NCOA3: variants seen among roughly 807,000 people sequenced by gnomAD.
NCOA3 encodes the protein CBP-interacting protein.
In NCOA3, 51 loss-of-function variants were observed where a neutral mutation model predicts 158.8. That is an observed-to-expected ratio of 0.32 (90% CI 0.26 to 0.41). The LOEUF is 0.41. Among genes scored for constraint, NCOA3 ranks in the 10% least tolerant of loss-of-function variants. The pLI is 1.00. For synonymous variants in NCOA3, 537 were observed against 592.4 expected (o/e 0.91, Z 1.36); for missense variants, 1,510 against 1,746.6 (o/e 0.86, Z 2.41).
chr20:47,588,140 T>TCTGTATAAACTAGTTAGGGTATTCA (rs2085566529), intron 2 of NCOA3, among the ~76,000 whole-genome samples: 1 of 133,260 alleles, frequency 7.5e-6, no homozygotes, highest in African/African-American at 2.9e-5. Context: ...ACTTTTTTTT[T>TCTGTATAAACTAGTTAGGGTATTCA]TTTTTTTTTT....
At position 47,651,197 on chromosome 20, in the gene NCOA3, C is replaced by T. The variant is rs1439834308; in HGVS notation, c.3867C>T (p.Ser1289=). Residue 1289 remains serine (S), a synonymous_variant, in exon 20 of 23, where the codon TCC becomes TCT. Coordinates refer to ENST00000371998, the MANE Select transcript of NCOA3 (RefSeq NM_181659.3). ...GCCCACCTCCTAATGTGACTGCTTC[C>T]CCCAGCATGGATGGGCTTTTGGCAG... The part of the protein sequence containing the change: ...AFSPPPNVTA[S]PSMDGLLAGP... The T allele has an allele frequency of 1.2e-6, 2 of 1,614,064 alleles. No individual in the cohort carries two copies. The highest frequency in any genetic ancestry group is 1.7e-6 in the Non-Finnish European group (2 of 1,179,990).
In NCOA3 at chr20:47,655,839, C is replaced by T. The variant is rs948195702; in HGVS notation, c.*2422C>T. The T allele has an allele frequency of 6.6e-6, 1 of 152,358 alleles. No individual in the cohort carries two copies. The highest frequency in any genetic ancestry group is 6.6e-5 in the Admixed American group (1 of 15,260). 9.4% of individuals were successfully genotyped at this position (152,358 alleles called of 1,614,324 possible). The stretch of plus-strand genomic sequence containing the variant: ...TGGCTCCAGGCTAACTGGAAGGCAG[C>T]ACTCCCTTTTTTATATAGTAGAAAA... On this transcript the variant is annotated 3_prime_UTR_variant, in exon 23 of 23. Transcript: ENST00000371998.
chr20:47,538,105 C>G (rs2084663986), intron 1 of NCOA3, among the ~76,000 whole-genome samples: 1 of 151,900 alleles, frequency 6.6e-6, no homozygotes, highest in Admixed American at 6.6e-5. Context: ...GTCTTGAACT[C>G]CTGACTTCAG....
intron 1 of NCOA3, among the ~76,000 whole-genome samples, chr20:47,555,296 C>G (rs1402176678): frequency 1.3e-5 from 2 of 152,178 alleles, no homozygotes; most frequent in Non-Finnish European, 2.9e-5. Context: ...ATATAAAACT[C>G]TGTAAGCTAT....
In NCOA3 at chr20:47,542,009, G is replaced by GTTTTTTTGTTTTTTTTTTTTTTTTTT. The variant is rs71183262; in HGVS notation, c.-99+39997_-99+39998insGTTTTTTTTTTTTTTTTTTTTTTTTT. Among the ~76,000 whole-genome samples the GTTTTTTTGTTTTTTTTTTTTTTTTTT allele has an allele frequency of 2.7e-4, 15 of 56,356 alleles. 1 individual carries two copies. Among genetic ancestry groups the GTTTTTTTGTTTTTTTTTTTTTTTTTT allele is most frequent in the Non-Finnish European group, 3.5e-4 (10 of 28,698 alleles). The allele number at this position is 56,356 out of a possible 152,430, so 37.0% of individuals were successfully genotyped here. ...ATCAAATTATTTTTTGCCCTGTAGA[G>GTTTTTTTGTTTTTTTTTTTTTTTTTT]TTTTTTTTTTTTTTTTTTTTTGTTG... On this transcript the variant is annotated intron_variant, in intron 1 of 22. Coordinates refer to ENST00000371998, the MANE Select transcript of NCOA3 (RefSeq NM_181659.3).
chr20:47,639,474 T>A, intron 14 of NCOA3, 103 bp from the exon 15 acceptor site: 1 of 1,432,988 alleles, frequency 7.0e-7, no homozygotes, highest in Non-Finnish European at 9.5e-7. Flanking sequence ...GACAAAGTGC[T>A]GTTTTGTCAA....
intron 19 of NCOA3, among the ~76,000 whole-genome samples, 155 bp downstream of exon 19, chr20:47,649,264 ATTC>A (rs1568756895): frequency 6.6e-6 from 1 of 152,208 alleles, no homozygotes; most frequent in East Asian, 1.9e-4. Context: ...CGACTCTTCC[ATTC>A]TTCTCTCTGG....
At chr20:47,598,163 C>T (rs565822782) in intron 2 of NCOA3, among the ~76,000 whole-genome samples, 10 of 138,664 alleles carry the variant, frequency 7.2e-5, no homozygotes, top group Non-Finnish European at 1.1e-4. Flanking sequence ...AGGAGAATGG[C>T]GTGAATGTGG....
At chr20:47,613,592 T>C (rs1314976598) in intron 2 of NCOA3, among the ~76,000 whole-genome samples, 1 of 151,552 alleles carries the variant, frequency 6.6e-6, no homozygotes, top group African/African-American at 2.4e-5. Context: ...TTTCCCTCTC[T>C]GACAGAGGAT....
intron 1 of NCOA3, among the ~76,000 whole-genome samples, chr20:47,535,163 G>A (rs1417750716): frequency 6.6e-6 from 1 of 151,536 alleles, no homozygotes; most frequent in East Asian, 2.0e-4. Context: ...TGGGCTCAAG[G>A]AATTTTCCCA....
chr20:47,645,375 C>G (rs892135471), intron 17 of NCOA3, among the ~76,000 whole-genome samples: 1 of 152,050 alleles, frequency 6.6e-6, no homozygotes, highest in African/African-American at 2.4e-5. Flanking sequence ...CCCTACCACC[C>G]TCACTGGAGT....
chr20:47,625,568 A>G (rs2086308696), intron 5 of NCOA3, 87 bp downstream of exon 5: 1 of 930,036 alleles, frequency 1.1e-6, no homozygotes, highest in Non-Finnish European at 1.7e-6. Context: ...AATTTTGGTT[A>G]GGAAATGAGA....
At chr20:47,509,430 A>G (rs1469555897) in intron 1 of NCOA3, among the ~76,000 whole-genome samples, 1 of 152,162 alleles carries the variant, frequency 6.6e-6, no homozygotes, top group African/African-American at 2.4e-5. Flanking sequence ...ATCACAGTAT[A>G]TGCTATAACT....
rs567341494 is a variant in NCOA3 at position 47,574,647 on chromosome 20, C to A, written c.-98-8536C>A. ...AGGCTTTTGTGTTTTAAGTTTCTAC[C>A]TTAATTAACTTTTAGGCCACCCTTG... On this transcript the variant is annotated intron_variant, in intron 1 of 22. Coordinates refer to ENST00000371998, the MANE Select transcript of NCOA3 (RefSeq NM_181659.3). 2.0e-5 allele frequency among the ~76,000 whole-genome samples: 3 copies of A among 152,176 alleles called. No individual in the cohort carries two copies. In the South Asian group the frequency reaches 6.2e-4, roughly 32 times the overall value.
chr20:47,504,258 C>T (rs1011796171), intron 1 of NCOA3, among the ~76,000 whole-genome samples: 1 of 152,100 alleles, frequency 6.6e-6, no homozygotes, highest in African/African-American at 2.4e-5. Context: ...ATTTCCTTCT[C>T]TGTATAAAAA....
chr20:47,586,157 G>T (rs1225225995), intron 2 of NCOA3, among the ~76,000 whole-genome samples: 1 of 152,110 alleles, frequency 6.6e-6, no homozygotes, highest in Non-Finnish European at 1.5e-5. Context: ...GACCTTAGGT[G>T]ATCTACCTGC....
At chr20:47,586,476 G>T (rs2085538200) in intron 2 of NCOA3, among the ~76,000 whole-genome samples, 1 of 151,962 alleles carries the variant, frequency 6.6e-6, no homozygotes, top group Non-Finnish European at 1.5e-5. Context: ...TACAGATAGG[G>T]TCATTCTCTT....
At chr20:47,503,470 C>G (rs528001876) in intron 1 of NCOA3, among the ~76,000 whole-genome samples, 1 of 152,304 alleles carries the variant, frequency 6.6e-6, no homozygotes, top group South Asian at 2.1e-4. Flanking sequence ...GTTTCCCCTT[C>G]TCAGAGGCAA....
intron 20 of NCOA3, 67 bp downstream of exon 20, chr20:47,651,343 T>A: frequency 6.5e-7 from 1 of 1,527,422 alleles, no homozygotes; most frequent in Non-Finnish European, 8.8e-7. Flanking sequence ...CTTCATTACA[T>A]TTATTGCACA....
Sources: allele counts gnomAD v4.1 joint callset (sites outside exome capture counted in the v4.1 genomes callset), GRCh38; gene constraint gnomAD v4.1.1; transcripts MANE v1.5; gene names NCBI Gene and HGNC (gene_info 2026-07-23, HGNC 2026-07-21).